Variants in YWHAE observed in about 807,000 individuals in gnomAD.
The protein encoded by YWHAE is 14-3-3 protein epsilon.
YWHAE carries 4 observed loss-of-function variants against 30.1 expected under a neutral mutation model. The ratio of observed to expected loss-of-function variants is 0.13; its 90% confidence interval spans 0.07 to 0.30. The LOEUF (loss-of-function observed/expected upper bound fraction) is 0.30. YWHAE is among the 10% of genes least tolerant of loss of function. The probability of loss-of-function intolerance (pLI) is 1.00; values close to 1 mark genes in which losing one functional copy is unlikely to be tolerated. For missense variants in YWHAE, 121 were observed against 315.9 expected (o/e 0.38, Z 4.68); for synonymous variants, 118 against 111.8 (o/e 1.06, Z -0.35).
Position 1,378,441 on chromosome 17 carries a change from G to A in YWHAE, c.65-13383C>T, listed in dbSNP as rs570213150. 3.3e-5 allele frequency among the ~76,000 whole-genome samples: 5 copies of A among 152,256 alleles called. No individual in the cohort carries two copies. The South Asian group carries it at 1.0e-3, about 32-fold the overall frequency. The stretch of plus-strand genomic sequence containing the variant: ...ATTCTGCCTTACTGATTTCTAAAAG[G>A]TCCCAATATCTTGCTAGTCACATGA... On this transcript the variant is annotated intron_variant, in intron 1 of 5. Coordinates refer to ENST00000264335, the MANE Select transcript of YWHAE (RefSeq NM_006761.5).
chr17:1,351,447 T>C (rs2072630159), intron 5 of YWHAE, among the ~76,000 whole-genome samples: 1 of 151,648 alleles, frequency 6.6e-6, no homozygotes, highest in African/African-American at 2.4e-5. Flanking sequence ...ACTTATTACT[T>C]TTACTCTCAA....
intron 1 of YWHAE, among the ~76,000 whole-genome samples, chr17:1,376,218 T>G (rs185884542): frequency 2.0e-5 from 3 of 152,086 alleles, no homozygotes; most frequent in African/African-American, 7.2e-5. Context: ...TCTGTGACAA[T>G]AGAGGGGAAA....
At chr17:1,379,124 A>T (rs568731183) in intron 1 of YWHAE, among the ~76,000 whole-genome samples, 1 of 152,324 alleles carries the variant, frequency 6.6e-6, no homozygotes, top group South Asian at 2.1e-4. Flanking sequence ...TTGCGATGTC[A>T]TCACTTTAAG....
intron 1 of YWHAE, among the ~76,000 whole-genome samples, chr17:1,389,975 C>A (rs1266980438): frequency 6.6e-6 from 1 of 152,158 alleles, no homozygotes; most frequent in African/African-American, 2.4e-5. Flanking sequence ...TCCCGAGGAG[C>A]TGGGATTACA....
intron 1 of YWHAE, among the ~76,000 whole-genome samples, chr17:1,389,197 C>T (rs374244165): frequency 1.3e-5 from 2 of 152,032 alleles, no homozygotes; most frequent in Non-Finnish European, 2.9e-5. Context: ...AACTTTTGGG[C>T]TTAAGGGATC....
intron 1 of YWHAE, among the ~76,000 whole-genome samples, chr17:1,398,080 A>G (rs2150882958): frequency 6.6e-6 from 1 of 152,300 alleles, no homozygotes; most frequent in South Asian, 2.1e-4. Context: ...GAGCTTTCAA[A>G]AAGAAAAAGA....
intron 1 of YWHAE, among the ~76,000 whole-genome samples, chr17:1,373,431 CAAG>C (rs768308188): frequency 7.2e-5 from 11 of 151,794 alleles, no homozygotes; most frequent in Non-Finnish European, 1.0e-4. Context: ...TTTGGGAGGC[CAAG>C]AAGGGTAGAT....
At chr17:1,353,969 T>C (rs2072684645) in intron 5 of YWHAE, among the ~76,000 whole-genome samples, 1 of 152,180 alleles carries the variant, frequency 6.6e-6, no homozygotes. Flanking sequence ...AACTGCTTGC[T>C]CTCCACTCCT....
At chr17:1,353,142 T>A (rs1259225646) in intron 5 of YWHAE, among the ~76,000 whole-genome samples, 1 of 152,118 alleles carries the variant, frequency 6.6e-6, no homozygotes, top group African/African-American at 2.4e-5. Flanking sequence ...TGAAAACCTC[T>A]TAAGAATAAA....
In YWHAE at chr17:1,400,213, G is replaced by C. The variant is rs991198439; in HGVS notation, c.-103C>G. ...GCGTCCGGGCAGCAAAAATGGCGGC[G>C]CCTCAATCCGGGACTTCCGCCTGCG... On this transcript the variant is annotated 5_prime_UTR_variant, in exon 1 of 6. Transcript: ENST00000264335. 1.4e-6 allele frequency: 2 copies of C among 1,388,470 alleles called. No homozygotes were observed. Among genetic ancestry groups the C allele is most frequent in the Non-Finnish European group, 2.0e-6 (2 of 986,172 alleles). The allele number at this position is 1,388,470 out of a possible 1,614,324, so 86.0% of individuals were successfully genotyped here.
chr17:1,394,099 G>A (rs1189884063), intron 1 of YWHAE, among the ~76,000 whole-genome samples: 2 of 152,142 alleles, frequency 1.3e-5, no homozygotes, highest in Non-Finnish European at 2.9e-5. Context: ...GTGGCTGAGA[G>A]TAAGTGTACC....
At chr17:1,351,157 G>A (rs914476889) in intron 5 of YWHAE, among the ~76,000 whole-genome samples, 9 of 152,050 alleles carry the variant, frequency 5.9e-5, no homozygotes, top group Non-Finnish European at 1.3e-4. Flanking sequence ...TCAGGAGTTG[G>A]AGACCAGCCT....
chr17:1,392,919 G>A (rs2073410255), intron 1 of YWHAE, among the ~76,000 whole-genome samples: 1 of 150,784 alleles, frequency 6.6e-6, no homozygotes, highest in Non-Finnish European at 1.5e-5. Flanking sequence ...TAAGACAAAG[G>A]TGGCCGGGGG....
intron 1 of YWHAE, among the ~76,000 whole-genome samples, chr17:1,374,440 G>A (rs1875696373): frequency 6.6e-6 from 1 of 152,040 alleles, no homozygotes; most frequent in Non-Finnish European, 1.5e-5. Context: ...AATGCTTTCA[G>A]TTCACTTCAG....
intron 1 of YWHAE, among the ~76,000 whole-genome samples, chr17:1,382,347 C>CAGTAG (rs1567978652): frequency 3.4e-5 from 4 of 119,286 alleles, no homozygotes; most frequent in Non-Finnish European, 5.2e-5. Flanking sequence ...CGCGCCCGGC[C>CAGTAG]TTTTTTTTTT....
chr17:1,345,017 A>G lies in YWHAE; in HGVS notation c.*430T>C. The G allele has an allele frequency of 4.2e-6, 1 of 239,826 alleles. No homozygotes were observed. The highest frequency in any genetic ancestry group is 8.2e-6 in the Non-Finnish European group (1 of 122,166). 14.9% of individuals were successfully genotyped at this position (239,826 alleles called of 1,614,324 possible). The stretch of plus-strand genomic sequence containing the variant: ...CAAACACTGGTATAAAACACAGTTT[A>G]AACAATTAGAAAAATGAAAACTGAT... On this transcript the variant is annotated 3_prime_UTR_variant, in exon 6 of 6. Coordinates refer to ENST00000264335, the MANE Select transcript of YWHAE (RefSeq NM_006761.5).
At position 1,357,927 on chromosome 17, in the gene YWHAE, C is replaced by CG. The variant is rs1340144132; in HGVS notation, c.578+3164dup. Among the ~76,000 whole-genome samples, 10 of 148,660 alleles carry CG rather than the reference C, an allele frequency of 6.7e-5. 1 individual carries two copies. In the South Asian group the frequency reaches 1.3e-3, roughly 19 times the overall value. On this transcript the variant is annotated intron_variant, in intron 4 of 5. Coordinates refer to ENST00000264335, the MANE Select transcript of YWHAE (RefSeq NM_006761.5). ...GGGAAACACAGCGAGACTCTCCTCT[C>CG]GGGGGAAAAAAAAAAAGAAAAAGAC... is the stretch of plus-strand genomic sequence containing the variant.
At chr17:1,346,575 A>T (rs1056810208) in intron 5 of YWHAE, among the ~76,000 whole-genome samples, 1 of 152,262 alleles carries the variant, frequency 6.6e-6, no homozygotes, top group Non-Finnish European at 1.5e-5. Context: ...CAAATGTCAC[A>T]GCATCAAGGT....
At chr17:1,366,951 C>A (rs1344669575) in intron 1 of YWHAE, among the ~76,000 whole-genome samples, 2 of 151,770 alleles carry the variant, frequency 1.3e-5, no homozygotes, top group East Asian at 3.9e-4. Flanking sequence ...CAAAAAAAAA[C>A]ACAAAACAAA....
Sources: allele counts gnomAD v4.1 joint callset (sites outside exome capture counted in the v4.1 genomes callset), GRCh38; gene constraint gnomAD v4.1.1; transcripts MANE v1.5; gene names NCBI Gene and HGNC (gene_info 2026-07-23, HGNC 2026-07-21).